PRICKLE1: variants seen among roughly 807,000 people sequenced by gnomAD.
The protein encoded by PRICKLE1 is prickle-like protein 1.
A neutral mutation model predicts 70.2 loss-of-function variants in PRICKLE1; 14 were observed. The observed-to-expected ratio is 0.20, with a 90% CI of 0.13 to 0.31. PRICKLE1 has a LOEUF of 0.31. Ranked by LOEUF, PRICKLE1 falls within the 10% of genes least tolerant of loss-of-function variation. The probability of loss-of-function intolerance (pLI) is 1.00; values close to 1 mark genes in which losing one functional copy is unlikely to be tolerated. For synonymous variants in PRICKLE1, 357 were observed against 379.9 expected (o/e 0.94, Z 0.70); for missense variants, 821 against 1,026.2 (o/e 0.80, Z 2.73).
intron 1 of PRICKLE1, among the ~76,000 whole-genome samples, chr12:42,521,021 A>G (rs1305532750): frequency 6.6e-6 from 1 of 152,078 alleles, no homozygotes; most frequent in Admixed American, 6.5e-5. Flanking sequence ...AAATACAAAA[A>G]TTAGTTGGGC....
intron 1 of PRICKLE1, among the ~76,000 whole-genome samples, chr12:42,523,871 T>C (rs1939754591): frequency 6.6e-6 from 1 of 152,254 alleles, no homozygotes; most frequent in Admixed American, 6.5e-5. Flanking sequence ...CAAGGTTTTA[T>C]TAGCTAGGTG....
At chr12:42,511,344 A>C (rs919567041) in intron 1 of PRICKLE1, among the ~76,000 whole-genome samples, 4 of 152,236 alleles carry the variant, frequency 2.6e-5, no homozygotes, top group Non-Finnish European at 5.9e-5. Context: ...GAAAGAAAGA[A>C]GTATGTCTGC....
intron 1 of PRICKLE1, among the ~76,000 whole-genome samples, chr12:42,507,007 A>G (rs1017623): frequency 0.17 from 25,610 of 152,172 alleles, 2,807 homozygotes; most frequent in African/African-American, 0.29. Context: ...TTCATCATCT[A>G]ATATCTAAAC....
chr12:42,464,022 C>T lies in PRICKLE1; in HGVS notation c.1639+373G>A, dbSNP rs1353352548. On this transcript the variant is annotated intron_variant, in intron 7 of 7. Transcript: ENST00000345127. The surrounding 1 kb of genome is among the most constrained non-coding windows in gnomAD (Gnocchi z 4.2). ...GAATAACACACAACTCCTACTCATG[C>T]TGAATTGCAATTTTTTTTTTTTTTG... is the stretch of plus-strand genomic sequence containing the variant. 1.3e-5 allele frequency among the ~76,000 whole-genome samples: 2 copies of T among 151,998 alleles called. No homozygotes were observed. The highest frequency in any genetic ancestry group is 1.9e-4 in the East Asian group (1 of 5,194).
chr12:42,482,079 GTCCAGCATTTTCGAGGTAAACCTCCA>G (rs548636521), intron 1 of PRICKLE1, among the ~76,000 whole-genome samples: 72 of 152,274 alleles, frequency 4.7e-4, no homozygotes, highest in African/African-American at 1.7e-3. Flanking sequence ...GTAAACCTCC[GTCCAGCATTTTCGAGGTAAACCTCCA>G]TCCAGCTTGT....
rs1940598797 is a variant in PRICKLE1 at position 42,565,068 on chromosome 12, T to C, written c.-49+24397A>G. Among the ~76,000 whole-genome samples, 3 of 152,200 alleles carry C rather than the reference T, an allele frequency of 2.0e-5. No individual in the cohort carries two copies. In the South Asian group the frequency reaches 6.2e-4, roughly 32 times the overall value. On this transcript the variant is annotated intron_variant, in intron 1 of 7. Transcript: ENST00000345127. Reference sequence around the variant, plus strand: ...TGTAATCAAGGACAATTAACAAATATTAGTAGCTTAATTGTGTTCCCAGAT... The same window carrying C: ...TGTAATCAAGGACAATTAACAAATACTAGTAGCTTAATTGTGTTCCCAGAT...
intron 1 of PRICKLE1, among the ~76,000 whole-genome samples, chr12:42,491,229 A>T (rs938064355): frequency 4.0e-5 from 6 of 151,896 alleles, no homozygotes; most frequent in African/African-American, 1.5e-4. Context: ...TAGAGTATTT[A>T]AAAATATTAC....
chr12:42,588,051 G>A (rs1454606213), intron 1 of PRICKLE1, among the ~76,000 whole-genome samples: 1 of 152,046 alleles, frequency 6.6e-6, no homozygotes, highest in Non-Finnish European at 1.5e-5. Flanking sequence ...GATAATAGAA[G>A]GCGGCTGAAC....
At chr12:42,588,166 G>T (rs569233840) in intron 1 of PRICKLE1, among the ~76,000 whole-genome samples, 1 of 152,264 alleles carries the variant, frequency 6.6e-6, no homozygotes, top group Non-Finnish European at 1.5e-5. Context: ...TCTGGAGCCG[G>T]ACTACGGCAA....
chr12:42,513,841 C>CA (rs1294732287), intron 1 of PRICKLE1, among the ~76,000 whole-genome samples: 5 of 151,986 alleles, frequency 3.3e-5, no homozygotes, highest in African/African-American at 1.2e-4. Context: ...ACTAAAAATA[C>CA]AAAAAATTAG....
chr12:42,551,269 G>T (rs1384757507), intron 1 of PRICKLE1, among the ~76,000 whole-genome samples: 2 of 152,264 alleles, frequency 1.3e-5, no homozygotes, highest in African/African-American at 4.8e-5. Context: ...ATGTTGAGGT[G>T]ATCATGAGAA....
chr12:42,459,699 G>A lies in PRICKLE1; in HGVS notation c.*110C>T. The A allele has an allele frequency of 7.8e-7, 1 of 1,276,428 alleles. No homozygotes were observed. The highest frequency in any genetic ancestry group is 1.8e-5 in the Admixed American group (1 of 56,762). 79.1% of individuals were successfully genotyped at this position (1,276,428 alleles called of 1,614,324 possible). A position where few individuals can be genotyped will look rare whatever the true frequency, so the allele number is the denominator to read the frequency against. On this transcript the variant is annotated 3_prime_UTR_variant, in exon 8 of 8. Coordinates refer to ENST00000345127, the MANE Select transcript of PRICKLE1 (RefSeq NM_153026.3). ...CAGCAGTTGAGTTCTCATTTACATG[G>A]GCAAAGAAAGCACTTTAAACTATTT...
At chr12:42,536,289 G>T (rs1331198590) in intron 1 of PRICKLE1, among the ~76,000 whole-genome samples, 1 of 152,148 alleles carries the variant, frequency 6.6e-6, no homozygotes, top group East Asian at 1.9e-4. Flanking sequence ...AGGAAACTGG[G>T]GATAGAATGT....
chr12:42,580,427 T>A (rs948698029), intron 1 of PRICKLE1, among the ~76,000 whole-genome samples: 1 of 152,186 alleles, frequency 6.6e-6, no homozygotes, highest in Non-Finnish European at 1.5e-5. Context: ...GTTGTTAACC[T>A]GGAGAAAAAT....
chr12:42,528,061 C>A (rs1939845907), intron 1 of PRICKLE1, among the ~76,000 whole-genome samples: 1 of 150,394 alleles, frequency 6.6e-6, no homozygotes, highest in African/African-American at 2.4e-5. Flanking sequence ...GTAAAGCTAA[C>A]CTTCTTTATC....
Position 42,571,727 on chromosome 12 carries a change from A to G in PRICKLE1, c.-49+17738T>C, listed in dbSNP as rs75810665. Among the ~76,000 whole-genome samples, 556 of 152,306 alleles carry G rather than the reference A, an allele frequency of 3.7e-3. 7 individuals are homozygous for G. The highest frequency in any genetic ancestry group is 0.034 in the East Asian group (178 of 5,182). On this transcript the variant is annotated intron_variant, in intron 1 of 7. Coordinates refer to ENST00000345127, the MANE Select transcript of PRICKLE1 (RefSeq NM_153026.3). Reference sequence around the variant, plus strand: ...TACAGCCTCATGAAAGTCATTTACTATCACTGTGCATCAAAGAGCTCATTT... The same window carrying G: ...TACAGCCTCATGAAAGTCATTTACTGTCACTGTGCATCAAAGAGCTCATTT...
chr12:42,565,651 A>G (rs543743125), intron 1 of PRICKLE1, among the ~76,000 whole-genome samples: 1 of 152,272 alleles, frequency 6.6e-6, no homozygotes, highest in East Asian at 1.9e-4. Context: ...GGGTTTATTC[A>G]TTTGTTATGT....
At chr12:42,565,080 T>A (rs1007214945) in intron 1 of PRICKLE1, among the ~76,000 whole-genome samples, 2 of 152,220 alleles carry the variant, frequency 1.3e-5, no homozygotes, top group African/African-American at 4.8e-5. Context: ...AGTAGCTTAA[T>A]TGTGTTCCCA....
At chr12:42,460,905 G>A (rs570249711) in intron 7 of PRICKLE1, among the ~76,000 whole-genome samples, 1 of 152,256 alleles carries the variant, frequency 6.6e-6, no homozygotes, top group African/African-American at 2.4e-5. Flanking sequence ...TTTTGAGACA[G>A]AGTTTTGCTC....
Sources: allele counts gnomAD v4.1 joint callset (sites outside exome capture counted in the v4.1 genomes callset), GRCh38; gene constraint gnomAD v4.1.1; non-coding constraint Gnocchi (gnomAD v3.1); transcripts MANE v1.5; gene names NCBI Gene and HGNC (gene_info 2026-07-23, HGNC 2026-07-21).